GLT1D1: variants seen among roughly 807,000 people sequenced by gnomAD.
GLT1D1 encodes the protein glycosyltransferase 1 domain-containing protein 1.
GLT1D1 carries 21 observed loss-of-function variants against 28.7 expected under a neutral mutation model. The ratio of observed to expected loss-of-function variants is 0.73; its 90% CI spans 0.52 to 1.05. The LOEUF is 1.05. Among genes scored for constraint, GLT1D1 ranks in the 50% least tolerant of loss-of-function variants. GLT1D1 has a pLI of 0.00. For missense variants in GLT1D1, 343 were observed against 330.6 expected (o/e 1.04, Z -0.29); for synonymous variants, 147 against 124.8 (o/e 1.18, Z -1.19).
rs149907626 is a variant in GLT1D1, at chr12:128,866,315, C to T, written c.69-9599C>T. 9.2e-4 allele frequency among the ~76,000 whole-genome samples: 140 copies of T among 151,738 alleles called. 1 individual carries two copies. The highest frequency in any genetic ancestry group is 3.2e-3 in the African/African-American group (130 of 41,076). On this transcript the variant is annotated intron_variant, in intron 1 of 7. Transcript: ENST00000281703. Reference sequence around the variant, plus strand: ...CGATCTCCTGACCTCGTGATCCACCCGCCTCAGTCTCCCAAAGTGCTGGGA... The same window carrying T: ...CGATCTCCTGACCTCGTGATCCACCTGCCTCAGTCTCCCAAAGTGCTGGGA...
intron 4 of GLT1D1, among the ~76,000 whole-genome samples, chr12:128,911,799 G>C (rs890311705): frequency 6.6e-6 from 1 of 151,988 alleles, no homozygotes; most frequent in African/African-American, 2.4e-5. Flanking sequence ...TGATATCTTG[G>C]TACAAATATC....
intron 4 of GLT1D1, among the ~76,000 whole-genome samples, chr12:128,906,656 C>T (rs1005879988): frequency 6.6e-6 from 1 of 151,566 alleles, no homozygotes; most frequent in Non-Finnish European, 1.5e-5. Flanking sequence ...TCATAATGGC[C>T]CATCAATATG....
intron 4 of GLT1D1, among the ~76,000 whole-genome samples, chr12:128,943,346 C>CT (rs1042582920): frequency 2.0e-5 from 3 of 150,746 alleles, no homozygotes; most frequent in African/African-American, 7.3e-5. Flanking sequence ...CAGGTTTTCT[C>CT]TTTTCTCTCT....
At chr12:128,878,653 G>A (rs1956929855) in intron 2 of GLT1D1, among the ~76,000 whole-genome samples, 2 of 151,846 alleles carry the variant, frequency 1.3e-5, no homozygotes, top group South Asian at 4.2e-4. Context: ...TGTTACCCAG[G>A]CTGGAGTGCA....
At chr12:128,873,433 C>T (rs905523523) in intron 1 of GLT1D1, among the ~76,000 whole-genome samples, 10 of 152,182 alleles carry the variant, frequency 6.6e-5, no homozygotes, top group Middle Eastern at 3.2e-3. Flanking sequence ...TGCGGATGCA[C>T]GGTGAGGTAG....
chr12:128,872,924 G>T (rs1035494307), intron 1 of GLT1D1, among the ~76,000 whole-genome samples: 1 of 151,740 alleles, frequency 6.6e-6, no homozygotes, highest in Admixed American at 6.6e-5. Flanking sequence ...ACAGGGTCTC[G>T]CTCTGTTGAG....
At chr12:128,929,607 C>T (rs935110997) in intron 4 of GLT1D1, among the ~76,000 whole-genome samples, 2 of 152,112 alleles carry the variant, frequency 1.3e-5, no homozygotes, top group African/African-American at 4.8e-5. Flanking sequence ...AAGCTTTTCT[C>T]AGTATTTTCA....
chr12:128,941,369 T>G (rs1272109511), intron 4 of GLT1D1, among the ~76,000 whole-genome samples: 1 of 152,212 alleles, frequency 6.6e-6, no homozygotes, highest in African/African-American at 2.4e-5. Flanking sequence ...AAAATCCTTC[T>G]GCATCATTTA....
chr12:128,891,140 AAAATT>A (rs757433405), intron 3 of GLT1D1, among the ~76,000 whole-genome samples: 1 of 151,810 alleles, frequency 6.6e-6, no homozygotes, highest in Admixed American at 6.5e-5. Context: ...AAAAAAATAA[AAAATT>A]AAATAAAATA....
rs1054595661 is a variant in GLT1D1, at chr12:128,891,118, A to T, written c.323+2374A>T. 2.2e-4 allele frequency among the ~76,000 whole-genome samples: 33 copies of T among 151,614 alleles called. No individual in the cohort carries two copies. In the East Asian group the frequency reaches 5.2e-3, roughly 24 times the overall value. ...GCGACACTGTCTCAAAAAAAAAAAA[A>T]TTTAATTAATTAAAAAAATAAAAAA... On this transcript the variant is annotated intron_variant, in intron 3 of 7. Transcript: ENST00000281703.
chr12:128,928,304 C>T (rs962771209), intron 4 of GLT1D1, among the ~76,000 whole-genome samples: 5 of 152,098 alleles, frequency 3.3e-5, no homozygotes, highest in African/African-American at 7.2e-5. Context: ...TTCTGGTGGC[C>T]GTGACTATGG....
intron 1 of GLT1D1, among the ~76,000 whole-genome samples, chr12:128,865,065 GGCT>G (rs1170359833): frequency 6.6e-6 from 1 of 152,162 alleles, no homozygotes; most frequent in African/African-American, 2.4e-5. Flanking sequence ...ACAGCAGTCA[GGCT>G]GAGTCTGGTG....
At chr12:128,936,229 A>C (rs1307493426) in intron 4 of GLT1D1, among the ~76,000 whole-genome samples, 1 of 145,722 alleles carries the variant, frequency 6.9e-6, no homozygotes, top group African/African-American at 2.6e-5. Flanking sequence ...ATCTCGGCTC[A>C]CTGCAAGCTC....
At chr12:128,896,508 C>T (rs1031166701) in intron 3 of GLT1D1, among the ~76,000 whole-genome samples, 4 of 149,526 alleles carry the variant, frequency 2.7e-5, no homozygotes, top group East Asian at 3.9e-4. Flanking sequence ...TAATTACTTA[C>T]ATTTGTATGT....
intron 4 of GLT1D1, among the ~76,000 whole-genome samples, chr12:128,905,044 C>A (rs569366314): frequency 6.6e-6 from 1 of 151,872 alleles, no homozygotes; most frequent in African/African-American, 2.4e-5. Flanking sequence ...GCTGGGATTA[C>A]AGGCATGAGC....
At position 128,897,803 on chromosome 12, in the gene GLT1D1, G is replaced by C. The variant is rs1869819222; in HGVS notation, c.324-1433G>C. On this transcript the variant is annotated intron_variant, in intron 3 of 7. Transcript: ENST00000281703. ...CCTGCCTCAGCCTCCCGAGTAGCTG[G>C]GACTACAGGCGCCCGCCACCATGCC... Among the ~76,000 whole-genome samples, 5 of 152,076 alleles carry C rather than the reference G, an allele frequency of 3.3e-5. No individual in the cohort carries two copies. In the South Asian group the frequency reaches 1.0e-3, roughly 32 times the overall value.
At chr12:128,905,755 G>C (rs1346732315) in intron 4 of GLT1D1, among the ~76,000 whole-genome samples, 1 of 152,042 alleles carries the variant, frequency 6.6e-6, no homozygotes, top group Admixed American at 6.6e-5. Context: ...CCTAGCACGC[G>C]TGATCAACGT....
chr12:128,975,110 T>C (rs1879640854), intron 7 of GLT1D1, among the ~76,000 whole-genome samples: 1 of 152,176 alleles, frequency 6.6e-6, no homozygotes, highest in East Asian at 1.9e-4. Context: ...GCACCCACCA[T>C]GTCTGTGGGT....
rs564080949 is a variant in GLT1D1 at position 128,908,780 on chromosome 12, T to A, written c.375+9493T>A. Among the ~76,000 whole-genome samples, 933 of 152,042 alleles carry A rather than the reference T, an allele frequency of 6.1e-3. 7 individuals are homozygous for A. Among genetic ancestry groups the A allele is most frequent in the African/African-American group, 0.021 (883 of 41,468 alleles). On this transcript the variant is annotated intron_variant, in intron 4 of 7. Transcript: ENST00000281703. Reference sequence around the variant, plus strand: ...TTGGCTAACACGGTGAAACCCCGTCTCTACTAAAAATACAAAAAATTAGCC... The same window carrying A: ...TTGGCTAACACGGTGAAACCCCGTCACTACTAAAAATACAAAAAATTAGCC...
Sources: gnomAD v4.1 joint callset for allele counts (sites outside exome capture counted in the v4.1 genomes callset) on GRCh38, gnomAD v4.1.1 for gene constraint, MANE v1.5 for transcripts, NCBI Gene and HGNC (gene_info 2026-07-23, HGNC 2026-07-21) for gene names.